Variants in MGRN1 observed in about 807,000 individuals in gnomAD.
MGRN1 encodes E3 ubiquitin-protein ligase MGRN1.
Under a neutral mutation model 69.2 loss-of-function variants are expected in MGRN1, and 29 were observed. The observed-to-expected ratio is 0.42, with a 90% CI of 0.31 to 0.57. The LOEUF is 0.57. Among genes scored for constraint, MGRN1 ranks in the 20% least tolerant of loss-of-function variants. The pLI is 0.15. For synonymous variants in MGRN1, 470 were observed against 344.2 expected (o/e 1.37, Z -4.04); for missense variants, 998 against 796.2 (o/e 1.25, Z -3.05).
At chr16:4,685,643 C>T (rs141956288) in intron 16 of MGRN1, among the ~76,000 whole-genome samples, 1,847 of 152,352 alleles carry the variant, frequency 0.012, 117 homozygotes, top group Admixed American at 0.094. Flanking sequence ...GCGCCATCTC[C>T]GTGGCTGTCA....
At chr16:4,675,009 G>T (rs1036760418) in intron 10 of MGRN1, among the ~76,000 whole-genome samples, 1 of 152,072 alleles carries the variant, frequency 6.6e-6, no homozygotes. Context: ...TCTTAACTCT[G>T]TTGCCTAGGC....
intron 1 of MGRN1, chr16:4,640,420 A>G (rs1244969162): frequency 3.3e-5 from 5 of 152,230 alleles, no homozygotes; most frequent in African/African-American, 1.2e-4. Flanking sequence ...TGCAGTTTTC[A>G]TTTCTGTGGC....
At chr16:4,654,273 C>T (rs971428268) in intron 4 of MGRN1, among the ~76,000 whole-genome samples, 2 of 152,160 alleles carry the variant, frequency 1.3e-5, no homozygotes, top group African/African-American at 4.8e-5. Flanking sequence ...AAAGAGGCTC[C>T]TAGCACCCCT....
chr16:4,659,402 G>A (rs1320047130), intron 5 of MGRN1, among the ~76,000 whole-genome samples: 2 of 152,106 alleles, frequency 1.3e-5, no homozygotes, highest in Non-Finnish European at 1.5e-5. Context: ...GCCCCTCTGG[G>A]GAGCCCCAGT....
intron 3 of MGRN1, 31 bp downstream of exon 3, chr16:4,652,082 G>A (rs754436852): frequency 1.9e-6 from 3 of 1,600,370 alleles, no homozygotes; most frequent in Admixed American, 3.4e-5. Flanking sequence ...GGGACCCTGT[G>A]GCTCTGTGGG....
intron 1 of MGRN1, among the ~76,000 whole-genome samples, chr16:4,646,422 C>CAAA (rs530306184): frequency 0.041 from 5,739 of 140,650 alleles, 382 homozygotes; most frequent in African/African-American, 0.14. Context: ...GACCCTGTCT[C>CAAA]AAAAAAAAAA....
chr16:4,670,903 C>T (rs972243069), intron 8 of MGRN1, among the ~76,000 whole-genome samples: 1 of 152,324 alleles, frequency 6.6e-6, no homozygotes, highest in Admixed American at 6.5e-5. Flanking sequence ...ATGTGGTCAG[C>T]GTGAGGCTTT....
chr16:4,667,148 C>T lies in MGRN1; in HGVS notation c.679-1117C>T, dbSNP rs1174527597. On this transcript the variant is annotated intron_variant, in intron 7 of 16. Transcript: ENST00000262370. The stretch of plus-strand genomic sequence containing the variant: ...GCCTGCTGCGGGCTTCACGCTGCCT[C>T]TGGGTCCTGCCTAGCCCAGGCTCTC... 6.6e-5 allele frequency among the ~76,000 whole-genome samples: 10 copies of T among 152,230 alleles called. No homozygotes were observed. In the East Asian group the frequency reaches 1.7e-3, roughly 26 times the overall value.
intron 11 of MGRN1, among the ~76,000 whole-genome samples, chr16:4,678,684 C>T (rs758887895): frequency 5.3e-5 from 8 of 152,212 alleles, no homozygotes; most frequent in Admixed American, 1.3e-4. Context: ...GTCTTAGGCC[C>T]CCTGCTCCCC....
rs549223650 is a variant in MGRN1, at chr16:4,637,656, C to G, written c.88+12608C>G. Among the ~76,000 whole-genome samples the G allele has an allele frequency of 5.3e-5, 8 of 152,352 alleles. No homozygotes were observed. In the South Asian group the frequency reaches 8.3e-4, roughly 16 times the overall value. ...TGGAAGCTGCGGGAACCCAGAGCCT[C>G]TGTTCGGCTCCAGCCTCAGCGCCAT... On this transcript the variant is annotated intron_variant, in intron 1 of 16. Coordinates refer to ENST00000262370, the MANE Select transcript of MGRN1 (RefSeq NM_015246.4).
intron 8 of MGRN1, among the ~76,000 whole-genome samples, chr16:4,669,431 CA>C (rs58001283): frequency 0.026 from 2,414 of 92,934 alleles, 95 homozygotes; most frequent in African/African-American, 0.086. Flanking sequence ...AAGACTGTGT[CA>C]AAAAAAAAAA....
At chr16:4,659,760 TTGGTC>T (rs1333647715) in intron 5 of MGRN1, among the ~76,000 whole-genome samples, 1 of 152,180 alleles carries the variant, frequency 6.6e-6, no homozygotes, top group African/African-American at 2.4e-5. Flanking sequence ...AGAAAAACAT[TTGGTC>T]TGGTTTAAGA....
At chr16:4,642,032 C>T (rs148771812) in intron 1 of MGRN1, among the ~76,000 whole-genome samples, 1 of 152,016 alleles carries the variant, frequency 6.6e-6, no homozygotes, top group African/African-American at 2.4e-5. Context: ...ATTGTCTGCG[C>T]CGTGTTGATC....
chr16:4,625,389 A>G (rs1897621815), intron 1 of MGRN1, among the ~76,000 whole-genome samples: 2 of 152,334 alleles, frequency 1.3e-5, no homozygotes, highest in South Asian at 2.1e-4. Context: ...GTCCCGGCGC[A>G]TCGCTTCTGC....
intron 1 of MGRN1, among the ~76,000 whole-genome samples, chr16:4,636,195 C>T (rs1898280355): frequency 6.6e-6 from 1 of 152,066 alleles, no homozygotes; most frequent in Non-Finnish European, 1.5e-5. Context: ...TAGAGCAGTA[C>T]CGGCCCCCAG....
intron 10 of MGRN1, among the ~76,000 whole-genome samples, chr16:4,673,937 T>C (rs1157010404): frequency 6.6e-6 from 1 of 152,234 alleles, no homozygotes; most frequent in Non-Finnish European, 1.5e-5. Flanking sequence ...CCAGGGCAGA[T>C]GAACTGAACG....
At chr16:4,640,898 G>T (rs2141848821) in intron 1 of MGRN1, among the ~76,000 whole-genome samples, 2 of 152,334 alleles carry the variant, frequency 1.3e-5, no homozygotes, top group African/African-American at 4.8e-5. Context: ...GATGAGCTTG[G>T]GGGCCTTAGC....
chr16:4,642,077 C>T (rs895883829), intron 1 of MGRN1, among the ~76,000 whole-genome samples: 2 of 151,566 alleles, frequency 1.3e-5, no homozygotes, highest in African/African-American at 2.4e-5. Flanking sequence ...GAGGGTCCAT[C>T]CGGTAACCCT....
intron 15 of MGRN1, among the ~76,000 whole-genome samples, chr16:4,683,580 T>C (rs1406591915): frequency 1.3e-5 from 2 of 149,554 alleles, no homozygotes; most frequent in Non-Finnish European, 3.0e-5. Context: ...CCCTATGCTC[T>C]GAACATCCAG....
Sources: allele counts gnomAD v4.1 joint callset (sites outside exome capture counted in the v4.1 genomes callset), GRCh38; gene constraint gnomAD v4.1.1; transcripts MANE v1.5; gene names NCBI Gene and HGNC (gene_info 2026-07-23, HGNC 2026-07-21).